The following VCP variants were observed in gnomAD, a reference collection of about 807,000 sequenced individuals.
VCP encodes valosin containing protein.
A neutral mutation model predicts 85.7 loss-of-function variants in VCP; 6 were observed. That is an observed-to-expected ratio of 0.07 (90% CI 0.04 to 0.14). VCP has a LOEUF of 0.14. Ranked by LOEUF, VCP falls within the 10% of genes least tolerant of loss-of-function variation. The pLI is 1.00. For missense variants in VCP, 353 were observed against 1,043.4 expected (o/e 0.34, Z 9.12); for synonymous variants, 384 against 367.1 (o/e 1.05, Z -0.53).
intron 1 of VCP, chr9:35,071,696 T>G: frequency 1.0e-6 from 1 of 984,884 alleles, no homozygotes; most frequent in Non-Finnish European, 1.2e-6. Flanking sequence ...AAGCGAAAGG[T>G]AGGGCTCGCC....
At position 35,067,881 on chromosome 9, in the gene VCP, C is replaced by A; in HGVS notation, c.302+10G>T. The stretch of plus-strand genomic sequence containing the variant: ...TCCCATCCCTGTGAAGCCAAAAACC[C>A]CACACACACCTGATGACATCCCCTA... On this transcript the variant is annotated intron_variant, in intron 3 of 16. Coordinates refer to ENST00000358901, the MANE Select transcript of VCP (RefSeq NM_007126.5). 1 of 1,614,158 alleles carries A rather than the reference C, an allele frequency of 6.2e-7. No individual in the cohort carries two copies. Among genetic ancestry groups the A allele is most frequent in the East Asian group, 2.2e-5 (1 of 44,888 alleles).
At chr9:35,061,548 C>T (rs368362650) in intron 10 of VCP, 29 bp downstream of exon 10, 34 of 1,598,796 alleles carry the variant, frequency 2.1e-5, no homozygotes, top group South Asian at 5.5e-5. Flanking sequence ...GACACTGTAA[C>T]GCCTGGTCAG....
At chr9:35,061,289 C>T in intron 10 of VCP, 110 bp from the exon 11 acceptor site, 1 of 1,425,796 alleles carries the variant, frequency 7.0e-7, no homozygotes, top group South Asian at 1.2e-5. Context: ...CCTCTCATTT[C>T]CTTGAATATA....
intron 8 of VCP, 28 bp from the exon 9 acceptor site, chr9:35,062,166 G>A (rs1295485847): frequency 6.2e-7 from 1 of 1,614,152 alleles, no homozygotes; most frequent in Non-Finnish European, 8.5e-7. Context: ...CTGGTCAGAA[G>A]TGAAGTCAGG....
intron 5 of VCP, among the ~76,000 whole-genome samples, chr9:35,064,494 C>T (rs1828789796): frequency 6.6e-6 from 1 of 152,148 alleles, no homozygotes; most frequent in Non-Finnish European, 1.5e-5. Context: ...CTGGGCAATA[C>T]AGCAAGACTC....
chr9:35,064,302 T>G lies in VCP; in HGVS notation c.577-17A>C, dbSNP rs1563979120. On this transcript the variant is annotated splice_polypyrimidine_tract_variant and intron_variant, in intron 5 of 16. Coordinates refer to ENST00000358901, the MANE Select transcript of VCP (RefSeq NM_007126.5). Reference sequence around the variant, plus strand: ...TTCCTCATCCTGAATATGGAGGAGATAAAGAAAGGAGAAGGCAAGAATATT... The same window carrying G: ...TTCCTCATCCTGAATATGGAGGAGAGAAAGAAAGGAGAAGGCAAGAATATT... 6.2e-7 allele frequency: 1 copy of G among 1,613,800 alleles called. No homozygotes were observed. The highest frequency in any genetic ancestry group is 8.5e-7 in the Non-Finnish European group (1 of 1,179,972).
Position 35,056,999 on chromosome 9 carries a change from A to G in VCP, c.*118T>C. ...GAGTCAGACTGTAGCTGAACTGTTC[A>G]GACTGGAGAATGGAGCAGGCTGTGG... On this transcript the variant is annotated 3_prime_UTR_variant, in exon 17 of 17. Coordinates refer to ENST00000358901, the MANE Select transcript of VCP (RefSeq NM_007126.5). 1 of 980,102 alleles carries G rather than the reference A, an allele frequency of 1.0e-6. No homozygotes were observed. The highest frequency in any genetic ancestry group is 1.6e-5 in the African/African-American group (1 of 62,940). 60.7% of individuals were successfully genotyped at this position (980,102 alleles called of 1,614,324 possible).
Position 35,059,094 on chromosome 9 carries a change from TTCTCGCCTAATC to T in VCP, c.2118_2129del (p.Ile707_Glu710del). 1 of 1,614,106 alleles carries T rather than the reference TTCTCGCCTAATC, an allele frequency of 6.2e-7. No homozygotes were observed. Among genetic ancestry groups the T allele is most frequent in the South Asian group, 1.1e-5 (1 of 91,070 alleles). On this transcript the variant is annotated inframe_deletion, in exon 15 of 17. Transcript: ENST00000358901. This position sits in a 1 kb window ranked among gnomAD's most constrained non-coding sequence, Gnocchi z 4.9. ...CTGATGGGTTTGTCTGCCTCTCTCG[TTCTCGCCTAATC>T]TCACTCTCGATGGATTCACGGATGG...
chr9:35,069,123 G>A (rs936849695), intron 1 of VCP, among the ~76,000 whole-genome samples: 2 of 152,104 alleles, frequency 1.3e-5, no homozygotes, highest in African/African-American at 2.4e-5. Flanking sequence ...AGTACCAAAG[G>A]AATGCCAAGC....
At chr9:35,070,059 T>C (rs1828909774) in intron 1 of VCP, among the ~76,000 whole-genome samples, 1 of 152,172 alleles carries the variant, frequency 6.6e-6, no homozygotes, top group African/African-American at 2.4e-5. Flanking sequence ...TGGGTCCTGA[T>C]ACACCCAAGA....
Position 35,068,456 on chromosome 9 carries a change from G to A in VCP, c.18-94C>T, listed in dbSNP as rs757680425. ...CTTAGGAAAGAAACAGTGAATAGAT[G>A]AAGCTGTCCCTAGACCAGAAAGCTC... On this transcript the variant is annotated intron_variant, in intron 1 of 16. Transcript: ENST00000358901. The A allele has an allele frequency of 5.2e-5, 59 of 1,140,670 alleles. No individual in the cohort carries two copies. The Middle Eastern group carries it at 5.7e-4, about 11-fold the overall frequency. 70.7% of individuals were successfully genotyped at this position (1,140,670 alleles called of 1,614,324 possible). A position where few individuals can be genotyped will look rare whatever the true frequency, so the allele number is the denominator to read the frequency against.
intron 1 of VCP, among the ~76,000 whole-genome samples, chr9:35,069,469 T>C (rs886433579): frequency 2.2e-5 from 3 of 133,490 alleles, no homozygotes. Flanking sequence ...TTTTTTTTTT[T>C]GAGATGGAGT....
In VCP at chr9:35,064,145, G is replaced by A; in HGVS notation, c.708+9C>T. The A allele has an allele frequency of 1.2e-6, 2 of 1,614,116 alleles. No homozygotes were observed. Among genetic ancestry groups the A allele is most frequent in the Non-Finnish European group, 8.5e-7 (1 of 1,180,008 alleles). ...CTTTAGACTTGATTCCAGAGCCCAGGATGCTCACCTTCACACCAATTGCCT... is the reference window on the plus strand; with the variant it reads ...CTTTAGACTTGATTCCAGAGCCCAGAATGCTCACCTTCACACCAATTGCCT... On this transcript the variant is annotated intron_variant, in intron 6 of 16. Transcript: ENST00000358901.
intron 15 of VCP, among the ~76,000 whole-genome samples, chr9:35,058,624 G>A (rs1302136856): frequency 2.6e-5 from 4 of 152,124 alleles, no homozygotes; most frequent in Admixed American, 6.5e-5. Context: ...AAAACTAGCC[G>A]GACATGGTGG....
At chr9:35,063,915 ATG>A (rs767625394) in intron 6 of VCP, among the ~76,000 whole-genome samples, 3 of 152,152 alleles carry the variant, frequency 2.0e-5, no homozygotes, top group African/African-American at 7.2e-5. Flanking sequence ...CCATATATAT[ATG>A]TGTGTGTGTT....
At chr9:35,072,238 C>G in intron 1 of VCP, 99 bp downstream of exon 1, 1 of 1,466,604 alleles carries the variant, frequency 6.8e-7, no homozygotes, top group South Asian at 1.3e-5. Flanking sequence ...TGGTCTCCAC[C>G]TCTCTGACGC....
chr9:35,071,548 C>A (rs1389883474), intron 1 of VCP, among the ~76,000 whole-genome samples: 1 of 152,068 alleles, frequency 6.6e-6, no homozygotes, highest in Non-Finnish European at 1.5e-5. Flanking sequence ...GCACAAAACA[C>A]GAACTGAGAT....
chr9:35,062,501 T>A, intron 7 of VCP, 151 bp from the exon 8 acceptor site: 1 of 1,282,222 alleles, frequency 7.8e-7, no homozygotes, highest in East Asian at 2.5e-5. Flanking sequence ...TACCAGCCAT[T>A]ATCCCAGGAC....
At chr9:35,060,634 A>G in intron 12 of VCP, 109 bp from the exon 13 acceptor site, 1 of 1,514,930 alleles carries the variant, frequency 6.6e-7, no homozygotes, top group East Asian at 2.3e-5. Flanking sequence ...ATGGTATCAG[A>G]TCCAGGTTCT....
Sources: allele counts gnomAD v4.1 joint callset (sites outside exome capture counted in the v4.1 genomes callset), GRCh38; gene constraint gnomAD v4.1.1; non-coding constraint Gnocchi (gnomAD v3.1); transcripts MANE v1.5; gene names NCBI Gene and HGNC (gene_info 2026-07-23, HGNC 2026-07-21).